DENND5B: variants seen among roughly 807,000 people sequenced by gnomAD.
DENND5B encodes DENN domain-containing protein 5B.
A neutral mutation model predicts 140.6 loss-of-function variants in DENND5B; 34 were observed. That is an observed-to-expected ratio of 0.24 (90% CI 0.18 to 0.32). DENND5B has a LOEUF of 0.32. Among genes scored for constraint, DENND5B ranks in the 10% least tolerant of loss-of-function variants. DENND5B has a pLI of 1.00. For missense variants in DENND5B, 1,142 were observed against 1,560.2 expected, an observed-to-expected ratio of 0.73 and a Z score of 4.52; for synonymous variants, 551 against 562.1, an observed-to-expected ratio of 0.98 and a Z score of 0.28.
At chr12:31,578,235 T>C (rs759063256) in intron 1 of DENND5B, among the ~76,000 whole-genome samples, 1 of 152,118 alleles carries the variant, frequency 6.6e-6, no homozygotes, top group African/African-American at 2.4e-5. Flanking sequence ...TTTTTTATTG[T>C]AATTTATAAA....
chr12:31,476,141 A>T (rs957661222), intron 3 of DENND5B, among the ~76,000 whole-genome samples: 1 of 151,804 alleles, frequency 6.6e-6, no homozygotes, highest in Non-Finnish European at 1.5e-5. Context: ...AAAAAAATAA[A>T]AATAAAAAAT....
At chr12:31,492,923 A>G (rs1394370133) in intron 2 of DENND5B, among the ~76,000 whole-genome samples, 1 of 152,242 alleles carries the variant, frequency 6.6e-6, no homozygotes, top group Non-Finnish European at 1.5e-5. Flanking sequence ...AGTATTGTAT[A>G]ACAGTTTAGG....
At chr12:31,524,173 T>G (rs1487773842) in intron 1 of DENND5B, among the ~76,000 whole-genome samples, 1 of 151,900 alleles carries the variant, frequency 6.6e-6, no homozygotes, top group African/African-American at 2.4e-5. Context: ...GGCTAATTTA[T>G]GAATTGTATT....
At chr12:31,521,741 T>A (rs991699807) in intron 1 of DENND5B, among the ~76,000 whole-genome samples, 1 of 152,162 alleles carries the variant, frequency 6.6e-6, no homozygotes, top group Non-Finnish European at 1.5e-5. Flanking sequence ...AGTAACTGCC[T>A]GTAATGCTAA....
intron 1 of DENND5B, among the ~76,000 whole-genome samples, chr12:31,571,331 CT>C (rs1212591603): frequency 1.3e-5 from 2 of 152,194 alleles, no homozygotes; most frequent in East Asian, 3.8e-4. Flanking sequence ...TAACTAGCTT[CT>C]TCCTGTCTTC....
chr12:31,471,546 C>T (rs187925285), intron 3 of DENND5B, among the ~76,000 whole-genome samples: 2 of 146,334 alleles, frequency 1.4e-5, no homozygotes, highest in East Asian at 4.1e-4. Context: ...AGCAATCTGC[C>T]ACAAGGGAGG....
intron 1 of DENND5B, among the ~76,000 whole-genome samples, chr12:31,566,481 G>A (rs929336596): frequency 2.0e-5 from 3 of 151,858 alleles, no homozygotes; most frequent in African/African-American, 7.3e-5. Context: ...GATAAAACAT[G>A]TCATAGGCTG....
chr12:31,389,491 C>T lies in DENND5B; in HGVS notation c.3474G>A (p.Val1158=). ...NVFIWDFIEK[V]VAYFETTDQI... Reference sequence around the variant, plus strand: ...GGTCAGTTGTTTCAAAATAAGCAACCACTTTCTCTGAGGAAAAAAGTCAGA... The same window carrying T: ...GGTCAGTTGTTTCAAAATAAGCAACTACTTTCTCTGAGGAAAAAAGTCAGA... The change falls in exon 20 of 21, where the codon GTG becomes GTA. Residue 1158 remains valine, a synonymous_variant. Transcript: ENST00000389082. The T allele has an allele frequency of 1.3e-6, 2 of 1,581,134 alleles. No homozygotes were observed. The highest frequency in any genetic ancestry group is 2.3e-5 in the East Asian group (1 of 44,000).
At chr12:31,562,191 T>A (rs1949500184) in intron 1 of DENND5B, among the ~76,000 whole-genome samples, 1 of 152,178 alleles carries the variant, frequency 6.6e-6, no homozygotes, top group Non-Finnish European at 1.5e-5. Context: ...ATTAATACTA[T>A]CTGGCCAGCC....
chr12:31,505,180 T>C (rs932886338), intron 1 of DENND5B, among the ~76,000 whole-genome samples: 16 of 152,140 alleles, frequency 1.1e-4, no homozygotes, highest in African/African-American at 3.6e-4. Context: ...ACTGTCTACA[T>C]TGCTTGTTAC....
intron 1 of DENND5B, among the ~76,000 whole-genome samples, chr12:31,588,943 ACT>A (rs962567148): frequency 4.6e-5 from 7 of 152,112 alleles, no homozygotes; most frequent in African/African-American, 1.4e-4. Flanking sequence ...AATCACCCAC[ACT>A]CACACAGTTT....
chr12:31,584,591 G>C (rs1042622035), intron 1 of DENND5B, among the ~76,000 whole-genome samples: 1 of 152,038 alleles, frequency 6.6e-6, no homozygotes, highest in Non-Finnish European at 1.5e-5. Flanking sequence ...AGGATGGGTG[G>C]ACTGCTTGAG....
At position 31,495,918 on chromosome 12, in the gene DENND5B, G is replaced by A. The variant is rs369888635; in HGVS notation, c.129C>T (p.Gly43=). The part of the protein sequence containing the change: ...DSGLEPDELA[G]ENFDQSPLRR... The stretch of plus-strand genomic sequence containing the variant: ...TCAAAGGACTCTGGTCAAAATTTTC[G>A]CCTACAACAAATAATACATAGTTAA... Residue 43 remains glycine, a splice_region_variant and synonymous_variant, in exon 2 of 21, where the codon GGC becomes GGT. Coordinates refer to ENST00000389082, the MANE Select transcript of DENND5B (RefSeq NM_144973.4). 8.6e-5 allele frequency: 137 copies of A among 1,600,056 alleles called. No individual in the cohort carries two copies. Among genetic ancestry groups the A allele is most frequent in the Non-Finnish European group, 8.3e-5 (97 of 1,173,000 alleles).
At chr12:31,423,389 T>C (rs1593127068) in intron 11 of DENND5B, among the ~76,000 whole-genome samples, 1 of 152,228 alleles carries the variant, frequency 6.6e-6, no homozygotes, top group East Asian at 1.9e-4. Flanking sequence ...TTTCCTATTT[T>C]ATAGATGACG....
Position 31,399,889 on chromosome 12 carries a change from G to A in DENND5B, c.2950-117C>T, listed in dbSNP as rs553820105. The A allele has an allele frequency of 1.6e-5, 11 of 681,500 alleles. No homozygotes were observed. The South Asian group carries it at 2.1e-4, about 13-fold the overall frequency. 42.2% of individuals were successfully genotyped at this position (681,500 alleles called of 1,614,324 possible). A position where few individuals can be genotyped will look rare whatever the true frequency, so the allele number is the denominator to read the frequency against. ...ACTGCAGAGACAAACCCTGCATAATGTATTCAGCTATGCACTAGAGAAATA... is the reference window on the plus strand; with the variant it reads ...ACTGCAGAGACAAACCCTGCATAATATATTCAGCTATGCACTAGAGAAATA... On this transcript the variant is annotated intron_variant, in intron 15 of 20. Coordinates refer to ENST00000389082, the MANE Select transcript of DENND5B (RefSeq NM_144973.4).
intron 1 of DENND5B, among the ~76,000 whole-genome samples, chr12:31,531,231 GCT>G (rs1565669306): frequency 6.7e-6 from 1 of 150,052 alleles, no homozygotes; most frequent in East Asian, 2.0e-4. Context: ...ACGGAGTCTC[GCT>G]CTGTCACCCA....
At position 31,574,522 on chromosome 12, in the gene DENND5B, G is replaced by A. The variant is rs111821563; in HGVS notation, c.127+16184C>T. Among the ~76,000 whole-genome samples, 806 of 151,806 alleles carry A rather than the reference G, an allele frequency of 5.3e-3. 6 individuals are homozygous for A. Among genetic ancestry groups the A allele is most frequent in the African/African-American group, 0.019 (766 of 41,372 alleles). On this transcript the variant is annotated intron_variant, in intron 1 of 20. Transcript: ENST00000389082. ...GAAGAATCGCTTGAACCTGGGAGGC[G>A]GAGGTTGCAGTGAGCTGAGATTGCG... is the stretch of plus-strand genomic sequence containing the variant.
intron 11 of DENND5B, among the ~76,000 whole-genome samples, chr12:31,415,989 C>T (rs924653354): frequency 6.6e-6 from 1 of 152,042 alleles, no homozygotes. Context: ...GCATGCACCA[C>T]CACACCTGGC....
chr12:31,456,175 C>T (rs930497713), intron 4 of DENND5B, among the ~76,000 whole-genome samples: 2 of 151,880 alleles, frequency 1.3e-5, no homozygotes, highest in Non-Finnish European at 2.9e-5. Flanking sequence ...AGTGCAAATA[C>T]AAAAATTAGC....
Sources: gnomAD v4.1 joint callset for allele counts (sites outside exome capture counted in the v4.1 genomes callset) on GRCh38, gnomAD v4.1.1 for gene constraint, MANE v1.5 for transcripts, NCBI Gene and HGNC (gene_info 2026-07-23, HGNC 2026-07-21) for gene names.